The following GALNT13 variants were observed in gnomAD, a reference collection of about 807,000 sequenced individuals.
GALNT13 encodes the protein polypeptide N-acetylgalactosaminyltransferase 13.
Under a neutral mutation model 64.2 loss-of-function variants are expected in GALNT13, and 28 were observed. The ratio of observed to expected loss-of-function variants is 0.44; its 90% CI spans 0.32 to 0.60. GALNT13 has a LOEUF of 0.60. GALNT13 is among the 20% of genes least tolerant of loss of function. The probability of loss-of-function intolerance (pLI) is 0.05; values close to 1 mark genes in which losing one functional copy is unlikely to be tolerated. For synonymous variants in GALNT13, 214 were observed against 224.6 expected (o/e 0.95, Z 0.42); for missense variants, 577 against 669.8 (o/e 0.86, Z 1.53).
chr2:154,135,990 G>C (rs1279433239), intron 3 of GALNT13, among the ~76,000 whole-genome samples: 1 of 152,106 alleles, frequency 6.6e-6, no homozygotes, highest in Admixed American at 6.6e-5. Flanking sequence ...CTTATCTTCT[G>C]AGTCATCTAT....
chr2:153,600,351 A>T, the GALNT13 span, among the ~76,000 whole-genome samples: 16 of 151,944 alleles, frequency 1.1e-4, no homozygotes, highest in Non-Finnish European at 1.9e-4. Flanking sequence ...CACCTAAGTT[A>T]GCTGAAAAAT....
intron 11 of GALNT13, among the ~76,000 whole-genome samples, chr2:154,409,743 A>G (rs535924057): frequency 6.6e-4 from 100 of 152,104 alleles, no homozygotes; most frequent in Non-Finnish European, 1.1e-3. Context: ...AGTTTGAGGT[A>G]GCTAATCCTC....
At chr2:153,251,364 C>T in the GALNT13 span, among the ~76,000 whole-genome samples, 1 of 152,042 alleles carries the variant, frequency 6.6e-6, no homozygotes. Context: ...TGCCCTAAGG[C>T]TTCTTTTCAT....
intron 2 of GALNT13, among the ~76,000 whole-genome samples, chr2:153,918,156 G>A (rs1689520409): frequency 6.6e-6 from 1 of 152,102 alleles, no homozygotes; most frequent in Non-Finnish European, 1.5e-5. Context: ...ATTCAGCCAA[G>A]TTTAAAATAA....
the GALNT13 span, among the ~76,000 whole-genome samples, chr2:153,725,319 G>T: frequency 3.3e-5 from 5 of 151,398 alleles, no homozygotes; most frequent in African/African-American, 4.8e-5. Context: ...GGAGGGGAGA[G>T]GGGGGAGGGA....
At chr2:154,353,414 G>A (rs1325789363) in intron 9 of GALNT13, among the ~76,000 whole-genome samples, 2 of 152,128 alleles carry the variant, frequency 1.3e-5, no homozygotes, top group Non-Finnish European at 2.9e-5. Context: ...ACATAGTTAC[G>A]TGTGTGTGGT....
chr2:153,543,051 C>T, the GALNT13 span, among the ~76,000 whole-genome samples: 1 of 152,012 alleles, frequency 6.6e-6, no homozygotes, highest in Non-Finnish European at 1.5e-5. Context: ...AATTTCTTTC[C>T]ACGCCCCATT....
At chr2:153,808,035 T>G in the GALNT13 span, among the ~76,000 whole-genome samples, 1 of 152,172 alleles carries the variant, frequency 6.6e-6, no homozygotes, top group Non-Finnish European at 1.5e-5. Flanking sequence ...GGCTCTTTAA[T>G]GTGCACTTAG....
the GALNT13 span, among the ~76,000 whole-genome samples, chr2:153,208,973 C>CTTTTTTTTTTTTTTTTTTTTTTT: frequency 5.4e-5 from 4 of 74,682 alleles, no homozygotes; most frequent in African/African-American, 5.8e-5. Context: ...TGGTTTTGGT[C>CTTTTTTTTTTTTTTTTTTTTTTT]TTTTTTTTTT....
chr2:153,176,909 C>T, the GALNT13 span, among the ~76,000 whole-genome samples: 1 of 151,922 alleles, frequency 6.6e-6, no homozygotes, highest in Non-Finnish European at 1.5e-5. Flanking sequence ...GCCTAGACTT[C>T]TATAACCTAT....
At chr2:153,570,899 C>T in the GALNT13 span, among the ~76,000 whole-genome samples, 1 of 151,540 alleles carries the variant, frequency 6.6e-6, no homozygotes, top group Admixed American at 6.6e-5. Context: ...GCCATTCCTC[C>T]AGTTTCGTTT....
the GALNT13 span, among the ~76,000 whole-genome samples, chr2:153,319,715 G>A: frequency 6.6e-6 from 1 of 152,148 alleles, no homozygotes; most frequent in African/African-American, 2.4e-5. Flanking sequence ...TATAATTTTT[G>A]ACAATTGCTA....
At chr2:153,995,512 T>C (rs1462464911) in intron 3 of GALNT13, among the ~76,000 whole-genome samples, 1 of 152,174 alleles carries the variant, frequency 6.6e-6, no homozygotes, top group African/African-American at 2.4e-5. Context: ...TTAAATTTTC[T>C]TTTTAAAAGT....
chr2:153,345,770 CTTCT>C, the GALNT13 span, among the ~76,000 whole-genome samples: 3 of 129,470 alleles, frequency 2.3e-5, no homozygotes, highest in Admixed American at 1.7e-4. Flanking sequence ...TCCTTCCTTC[CTTCT>C]TTCTCTCTTT....
chr2:154,085,459 G>T (rs774566880), intron 3 of GALNT13, among the ~76,000 whole-genome samples: 5 of 151,990 alleles, frequency 3.3e-5, no homozygotes, highest in Non-Finnish European at 7.4e-5. Context: ...GGAAAACACA[G>T]AGAAGCTTCA....
At chr2:153,880,752 A>T (rs903550591) in intron 1 of GALNT13, among the ~76,000 whole-genome samples, 2 of 152,158 alleles carry the variant, frequency 1.3e-5, no homozygotes, top group African/African-American at 4.8e-5. Context: ...ATAGATTTTA[A>T]GCATACCTTT....
At chr2:153,953,648 C>T (rs1005882710) in intron 3 of GALNT13, among the ~76,000 whole-genome samples, 4 of 152,208 alleles carry the variant, frequency 2.6e-5, no homozygotes, top group East Asian at 1.9e-4. Flanking sequence ...CTGAAAACTC[C>T]GTGTTTTGTC....
At chr2:154,133,829 A>C (rs986100698) in intron 3 of GALNT13, among the ~76,000 whole-genome samples, 1 of 151,972 alleles carries the variant, frequency 6.6e-6, no homozygotes, top group African/African-American at 2.4e-5. Flanking sequence ...AAGTATAACA[A>C]ATAGACCCAA....
chr2:153,324,521 C>T, the GALNT13 span, among the ~76,000 whole-genome samples: 1 of 152,182 alleles, frequency 6.6e-6, no homozygotes, highest in Non-Finnish European at 1.5e-5. Flanking sequence ...CCAGAACTTC[C>T]AATACTATGT....
Sources: allele counts gnomAD v4.1 joint callset (sites outside exome capture counted in the v4.1 genomes callset), GRCh38; gene constraint gnomAD v4.1.1; transcripts MANE v1.5; gene names NCBI Gene and HGNC (gene_info 2026-07-23, HGNC 2026-07-21).